GRM7: variants seen among roughly 807,000 people sequenced by gnomAD.
GRM7 encodes metabotropic glutamate receptor 7.
GRM7 carries 35 observed loss-of-function variants against 84.5 expected under a neutral mutation model. That is an observed-to-expected ratio of 0.41 (90% CI 0.32 to 0.55). GRM7 has a LOEUF of 0.55. Ranked by LOEUF, GRM7 falls within the 20% of genes least tolerant of loss-of-function variation. The pLI, the probability that GRM7 is intolerant of heterozygous loss-of-function variation, is 0.19. For missense variants in GRM7, 1,003 were observed against 1,194.6 expected, an observed-to-expected ratio of 0.84 and a Z score of 2.36; for synonymous variants, 487 against 455.1, an observed-to-expected ratio of 1.07 and a Z score of -0.89.
intron 7 of GRM7, among the ~76,000 whole-genome samples, chr3:7,558,782 A>T (rs1474890840): frequency 6.6e-6 from 1 of 152,120 alleles, no homozygotes; most frequent in East Asian, 1.9e-4. Context: ...TGAATATTGT[A>T]GTGCTATCCA....
At chr3:7,732,580 T>C (rs981564062) in intron 9 of GRM7, among the ~76,000 whole-genome samples, 2 of 151,948 alleles carry the variant, frequency 1.3e-5, no homozygotes, top group African/African-American at 4.8e-5. Context: ...AAAACTAGTG[T>C]GAGGATCCTC....
chr3:6,942,607 A>G (rs1697930574), intron 1 of GRM7, among the ~76,000 whole-genome samples: 1 of 152,114 alleles, frequency 6.6e-6, no homozygotes, highest in Admixed American at 6.6e-5. Context: ...TATAGTTCAC[A>G]CCACAGTTTG....
chr3:7,023,487 A>T (rs1695856572), intron 1 of GRM7, among the ~76,000 whole-genome samples: 1 of 152,088 alleles, frequency 6.6e-6, no homozygotes, highest in Admixed American at 6.6e-5. Flanking sequence ...CTGTGCCCCA[A>T]CATAAGGGGC....
At chr3:6,903,087 A>AACACATTG (rs1275310323) in intron 1 of GRM7, among the ~76,000 whole-genome samples, 2 of 152,162 alleles carry the variant, frequency 1.3e-5, no homozygotes, top group African/African-American at 4.8e-5. Context: ...TATAAGTCTT[A>AACACATTG]ACACATTGTG....
At chr3:7,105,534 A>G (rs1429717195) in intron 1 of GRM7, among the ~76,000 whole-genome samples, 1 of 151,978 alleles carries the variant, frequency 6.6e-6, no homozygotes, top group African/African-American at 2.4e-5. Flanking sequence ...GCTGGGGAAC[A>G]ATAGCTTCAC....
intron 8 of GRM7, among the ~76,000 whole-genome samples, chr3:7,646,866 A>G (rs1039771945): frequency 6.6e-6 from 1 of 152,268 alleles, no homozygotes; most frequent in Admixed American, 6.5e-5. Context: ...TCAGAATAGC[A>G]TTTCCTCAGG....
intron 2 of GRM7, among the ~76,000 whole-genome samples, chr3:7,216,694 T>G (rs1459350487): frequency 6.6e-6 from 1 of 152,212 alleles, no homozygotes; most frequent in Non-Finnish European, 1.5e-5. Flanking sequence ...TTTCTTATAT[T>G]AGCAAATGTT....
chr3:7,113,469 C>T (rs777782656), intron 1 of GRM7, among the ~76,000 whole-genome samples: 1 of 152,088 alleles, frequency 6.6e-6, no homozygotes, highest in Admixed American at 6.5e-5. Flanking sequence ...AGGCTGGTCT[C>T]CAACTCCAAG....
intron 2 of GRM7, among the ~76,000 whole-genome samples, chr3:7,200,964 A>ATAT (rs1696046001): frequency 1.0e-5 from 1 of 98,162 alleles, no homozygotes; most frequent in African/African-American, 4.3e-5. Flanking sequence ...ACATTTCAGA[A>ATAT]TTTTTTTTTT....
At chr3:7,406,210 G>T (rs1203812834) in intron 4 of GRM7, among the ~76,000 whole-genome samples, 1 of 151,882 alleles carries the variant, frequency 6.6e-6, no homozygotes, top group Admixed American at 6.6e-5. Context: ...ACTTTTAAAA[G>T]AATCTATCGG....
chr3:7,302,893 G>A (rs1700051642), intron 3 of GRM7, among the ~76,000 whole-genome samples: 1 of 148,816 alleles, frequency 6.7e-6, no homozygotes, highest in South Asian at 2.1e-4. Flanking sequence ...TATCAAAGTG[G>A]TATCTCTAGG....
rs530272359 is a variant in GRM7, at chr3:7,169,508, A to G, written c.736+22840A>G. On this transcript the variant is annotated intron_variant, in intron 2 of 9. Transcript: ENST00000357716. Reference sequence around the variant, plus strand: ...CAGAAGGGATGTGGGATAGTGGGAAACACTGTGAAAATTATATCATTGAAT... The same window carrying G: ...CAGAAGGGATGTGGGATAGTGGGAAGCACTGTGAAAATTATATCATTGAAT... Among the ~76,000 whole-genome samples the G allele has an allele frequency of 2.6e-5, 4 of 152,312 alleles. No individual in the cohort carries two copies. The South Asian group carries it at 8.3e-4, about 32-fold the overall frequency.
At chr3:7,257,026 G>A (rs1167467820) in intron 2 of GRM7, among the ~76,000 whole-genome samples, 1 of 152,192 alleles carries the variant, frequency 6.6e-6, no homozygotes, top group Non-Finnish European at 1.5e-5. Context: ...AAGTGAAAGT[G>A]GGGGTTATAT....
At chr3:6,987,490 T>G (rs1477865082) in intron 1 of GRM7, among the ~76,000 whole-genome samples, 1 of 151,858 alleles carries the variant, frequency 6.6e-6, no homozygotes, top group Non-Finnish European at 1.5e-5. Context: ...AAGACATGGG[T>G]TGTGACTTCG....
intron 1 of GRM7, among the ~76,000 whole-genome samples, chr3:6,877,236 C>T (rs1291076969): frequency 6.6e-6 from 1 of 152,122 alleles, no homozygotes; most frequent in Non-Finnish European, 1.5e-5. Context: ...GGTTTGCCTG[C>T]TATACGGAGG....
intron 9 of GRM7, among the ~76,000 whole-genome samples, chr3:7,687,748 T>C (rs1700638764): frequency 1.3e-5 from 2 of 152,174 alleles, no homozygotes; most frequent in Non-Finnish European, 2.9e-5. Flanking sequence ...GTAATAGTAT[T>C]CCGAATATAA....
At chr3:7,492,901 G>A (rs1699573725) in intron 7 of GRM7, among the ~76,000 whole-genome samples, 4 of 151,880 alleles carry the variant, frequency 2.6e-5, no homozygotes, top group Admixed American at 2.6e-4. Flanking sequence ...TCACTTCCAT[G>A]ATATTTTTTT....
At chr3:7,560,635 T>C (rs1047673757) in intron 7 of GRM7, among the ~76,000 whole-genome samples, 5 of 152,224 alleles carry the variant, frequency 3.3e-5, no homozygotes, top group South Asian at 2.1e-4. Context: ...TGTTGGTGCA[T>C]TCAAGTTTGA....
Position 6,906,973 on chromosome 3 carries a change from T to C in GRM7, c.519+45066T>C, listed in dbSNP as rs554207609. Reference sequence around the variant, plus strand: ...TATACCATCACCACAATCAAGGTAATAGACAAATTCAACACCTCCCAATAT... The same window carrying C: ...TATACCATCACCACAATCAAGGTAACAGACAAATTCAACACCTCCCAATAT... On this transcript the variant is annotated intron_variant, in intron 1 of 9. Transcript: ENST00000357716. Among the ~76,000 whole-genome samples, 4 of 152,288 alleles carry C rather than the reference T, an allele frequency of 2.6e-5. No homozygotes were observed. In the South Asian group the frequency reaches 8.3e-4, roughly 32 times the overall value.
Sources: allele counts gnomAD v4.1 joint callset (sites outside exome capture counted in the v4.1 genomes callset), GRCh38; gene constraint gnomAD v4.1.1; transcripts MANE v1.5; gene names NCBI Gene and HGNC (gene_info 2026-07-23, HGNC 2026-07-21).